The following CFAP96 variants were observed in gnomAD, a reference collection of about 807,000 sequenced individuals.
CFAP96 encodes the protein cilia-and flagella-associated protein 96.
At chr4:185,448,832 A>G in the CFAP96 span, among the ~76,000 whole-genome samples, 3 of 152,026 alleles carry the variant, frequency 2.0e-5, no homozygotes, top group African/African-American at 7.3e-5. Flanking sequence ...CTATCCAGAG[A>G]ATAAACCTGA....
At chr4:185,413,772 CT>C in the CFAP96 span, 2 of 1,613,454 alleles carry the variant, frequency 1.2e-6, no homozygotes, top group Non-Finnish European at 8.5e-7. Context: ...ATGTGGATTT[CT>C]AATGTAACCA....
chr4:185,446,067 C>T, the CFAP96 span, among the ~76,000 whole-genome samples: 11 of 152,168 alleles, frequency 7.2e-5, no homozygotes, highest in East Asian at 1.7e-3. Flanking sequence ...TCTCGAACTC[C>T]CGACCTCAGG....
the CFAP96 span, among the ~76,000 whole-genome samples, chr4:185,442,920 T>C: frequency 1.3e-5 from 2 of 152,198 alleles, no homozygotes; most frequent in South Asian, 4.1e-4. Context: ...TGTGTTTTAT[T>C]TGCTAATATT....
At chr4:185,448,134 T>C in the CFAP96 span, among the ~76,000 whole-genome samples, 8 of 152,076 alleles carry the variant, frequency 5.3e-5, no homozygotes, top group South Asian at 1.0e-3. Context: ...AACTCTCCTG[T>C]CTCAGCCTCC....
At chr4:185,432,500 C>T in the CFAP96 span, among the ~76,000 whole-genome samples, 10 of 152,084 alleles carry the variant, frequency 6.6e-5, no homozygotes, top group East Asian at 7.7e-4. Context: ...GTCAGATTGG[C>T]GGAAAAAATT....
At chr4:185,429,000 C>A in the CFAP96 span, among the ~76,000 whole-genome samples, 2 of 152,192 alleles carry the variant, frequency 1.3e-5, no homozygotes, top group African/African-American at 2.4e-5. Context: ...CTACCCTGAA[C>A]TTCTCAAAAG....
the CFAP96 span, among the ~76,000 whole-genome samples, chr4:185,438,816 C>T: frequency 6.6e-6 from 1 of 152,220 alleles, no homozygotes. Context: ...ACTACTGGGG[C>T]AAGACCTGTC....
chr4:185,424,392 A>G, the CFAP96 span, among the ~76,000 whole-genome samples: 1 of 152,200 alleles, frequency 6.6e-6, no homozygotes, highest in Non-Finnish European at 1.5e-5. Flanking sequence ...AACAGTATTA[A>G]ATAGGTACCA....
the CFAP96 span, among the ~76,000 whole-genome samples, chr4:185,443,754 CTT>C: frequency 6.6e-6 from 1 of 151,774 alleles, no homozygotes; most frequent in Non-Finnish European, 1.5e-5. Context: ...TAAAGCATCA[CTT>C]GGGTTTATTT....
At chr4:185,441,567 T>A in the CFAP96 span, among the ~76,000 whole-genome samples, 2 of 151,876 alleles carry the variant, frequency 1.3e-5, no homozygotes, top group East Asian at 1.9e-4. Flanking sequence ...TCGGAGTGGC[T>A]CTCTTTACCA....
At chr4:185,415,108 A>G in the CFAP96 span, 2 of 1,421,558 alleles carry the variant, frequency 1.4e-6, no homozygotes, top group Non-Finnish European at 9.5e-7. Context: ...TACAAAATGA[A>G]TGATAGTCAT....
chr4:185,428,557 A>T, the CFAP96 span, among the ~76,000 whole-genome samples: 647 of 3,968 alleles, frequency 0.16, 7 homozygotes, highest in African/African-American at 0.22. Flanking sequence ...GGGACTGTCT[A>T]AAAAAAAAAA....
the CFAP96 span, among the ~76,000 whole-genome samples, chr4:185,412,802 GGCT>G: frequency 1.3e-5 from 2 of 151,952 alleles, no homozygotes; most frequent in Non-Finnish European, 2.9e-5. Context: ...CTAGTCACAG[GGCT>G]GCTGTTTCTA....
chr4:185,408,460 A>G, the CFAP96 span: 1 of 1,605,498 alleles, frequency 6.2e-7, no homozygotes, highest in Non-Finnish European at 8.5e-7. Flanking sequence ...GAAACACAGT[A>G]AAATATTAAC....
chr4:185,440,094 A>G, the CFAP96 span, among the ~76,000 whole-genome samples: 3 of 151,660 alleles, frequency 2.0e-5, no homozygotes, highest in African/African-American at 7.3e-5. Flanking sequence ...TCATATATAT[A>G]CATAATCTCA....
chr4:185,429,854 G>C, the CFAP96 span, among the ~76,000 whole-genome samples: 10,669 of 151,862 alleles, frequency 0.07, 646 homozygotes, highest in African/African-American at 0.16. Flanking sequence ...GTGGAGTAGG[G>C]CGGGGGAGCT....
At chr4:185,431,654 G>A in the CFAP96 span, among the ~76,000 whole-genome samples, 4 of 152,114 alleles carry the variant, frequency 2.6e-5, no homozygotes, top group African/African-American at 9.7e-5. Flanking sequence ...TGACCTACGC[G>A]CACACCCTTA....
the CFAP96 span, chr4:185,436,059 A>G: frequency 6.5e-7 from 1 of 1,542,914 alleles, no homozygotes; most frequent in African/African-American, 1.4e-5. Context: ...TGGCTTAGGA[A>G]GCTACTATGG....
At chr4:185,426,990 G>A in the CFAP96 span, among the ~76,000 whole-genome samples, 57 of 151,836 alleles carry the variant, frequency 3.8e-4, no homozygotes, top group Admixed American at 5.9e-4. Context: ...CTTGAACCCG[G>A]GAGGCGGAGG....
Sources: gnomAD v4.1 joint callset for allele counts (sites outside exome capture counted in the v4.1 genomes callset) on GRCh38, gnomAD v4.1.1 for gene constraint, MANE v1.5 for transcripts, NCBI Gene and HGNC (gene_info 2026-07-23, HGNC 2026-07-21) for gene names.